The following LPIN1 variants were observed in gnomAD, a reference collection of about 807,000 sequenced individuals.
The protein encoded by LPIN1 is lipin 1, also known as phosphatidate phosphatase LPIN1.
Under a neutral mutation model 107.5 loss-of-function variants are expected in LPIN1, and 71 were observed. The observed-to-expected ratio is 0.66, with a 90% CI of 0.55 to 0.80. LPIN1 has a LOEUF of 0.80. LPIN1 is among the 30% of genes least tolerant of loss of function. The pLI is 0.00. For missense variants in LPIN1, 1,043 were observed against 1,160.6 expected, an observed-to-expected ratio of 0.90 and a Z score of 1.47; for synonymous variants, 445 against 452.6, an observed-to-expected ratio of 0.98 and a Z score of 0.21.
intron 20 of LPIN1, among the ~76,000 whole-genome samples, chr2:11,822,600 C>T (rs191405357): frequency 1.8e-4 from 28 of 152,216 alleles, no homozygotes; most frequent in Admixed American, 1.1e-3. Flanking sequence ...AGATCTCATG[C>T]GACTTTATCA....
intron 1 of LPIN1, among the ~76,000 whole-genome samples, chr2:11,752,290 GAT>G (rs1474838288): frequency 6.6e-6 from 1 of 152,052 alleles, no homozygotes; most frequent in African/African-American, 2.4e-5. Flanking sequence ...GAAATGCTTT[GAT>G]TTTGGACCAT....
chr2:11,685,650 G>A (rs1272185349), intron 1 of LPIN1, among the ~76,000 whole-genome samples: 2 of 152,156 alleles, frequency 1.3e-5, no homozygotes, highest in African/African-American at 4.8e-5. Context: ...TTTTAGAGAC[G>A]GGTTACCGAG....
chr2:11,821,164 T>C (rs142276231), intron 20 of LPIN1, among the ~76,000 whole-genome samples: 1 of 152,190 alleles, frequency 6.6e-6, no homozygotes, highest in Non-Finnish European at 1.5e-5. Flanking sequence ...CTTGTCTTCC[T>C]GCCTTGTCCA....
In LPIN1 at chr2:11,773,312, C is replaced by T. The variant is rs2358042; in HGVS notation, c.597-308C>T. 0.26 allele frequency among the ~76,000 whole-genome samples: 39,918 copies of T among 152,118 alleles called. 6,112 individuals carry two copies. The highest frequency in any genetic ancestry group is 0.34 in the Middle Eastern group (100 of 292). On this transcript the variant is annotated intron_variant, in intron 4 of 20. Coordinates refer to ENST00000674199, the MANE Select transcript of LPIN1 (RefSeq NM_001349206.2). The stretch of plus-strand genomic sequence containing the variant: ...ACCTCCCAGGCTTTTGGAACATGAC[C>T]GTGTAGGGTAGCAGGAGGTGGCACG...
At chr2:11,788,992 G>A (rs1034156380) in intron 12 of LPIN1, among the ~76,000 whole-genome samples, 1 of 152,202 alleles carries the variant, frequency 6.6e-6, no homozygotes, top group Non-Finnish European at 1.5e-5. Flanking sequence ...TAGGAGGGCA[G>A]CCACGCCACC....
chr2:11,730,396 T>A (rs1665074501), intron 1 of LPIN1, among the ~76,000 whole-genome samples: 1 of 152,186 alleles, frequency 6.6e-6, no homozygotes, highest in African/African-American at 2.4e-5. Flanking sequence ...GCACACCTCA[T>A]CTCATCTGTT....
chr2:11,703,399 CT>C (rs1662979721), intron 1 of LPIN1, among the ~76,000 whole-genome samples: 1 of 152,140 alleles, frequency 6.6e-6, no homozygotes, highest in Non-Finnish European at 1.5e-5. Context: ...CGCAACTGCT[CT>C]GAGAGCCCTG....
At chr2:11,721,266 G>A (rs1458609722), upstream of LPIN1, among the ~76,000 whole-genome samples, 2 of 30,632 alleles carry the variant, frequency 6.5e-5, no homozygotes, top group Non-Finnish European at 2.1e-4. Context: ...CTGCATGCGT[G>A]TGTGTGTGTG....
chr2:11,784,677 C>T, intron 9 of LPIN1: 1 of 637,218 alleles, frequency 1.6e-6, no homozygotes, highest in Non-Finnish European at 2.8e-6. Flanking sequence ...CAGGGAGATG[C>T]AGCCAGCTGA....
chr2:11,725,985 C>T (rs1448569987), intron 1 of LPIN1, among the ~76,000 whole-genome samples: 2 of 152,200 alleles, frequency 1.3e-5, no homozygotes, highest in African/African-American at 4.8e-5. Context: ...TGTGGCCCCA[C>T]CTTGAGCCTG....
intron 1 of LPIN1, among the ~76,000 whole-genome samples, chr2:11,749,940 G>A (rs906248189): frequency 1.3e-5 from 2 of 152,266 alleles, no homozygotes; most frequent in African/African-American, 4.8e-5. Flanking sequence ...TAGGCTGTTA[G>A]AACAGGCACT....
intron 1 of LPIN1, among the ~76,000 whole-genome samples, chr2:11,694,210 A>C (rs774919324): frequency 6.6e-6 from 1 of 152,074 alleles, no homozygotes; most frequent in African/African-American, 2.4e-5. Flanking sequence ...GAACAGAATG[A>C]TAGAACCCTT....
chr2:11,815,674 G>T (rs943659364), intron 18 of LPIN1, among the ~76,000 whole-genome samples: 1 of 151,986 alleles, frequency 6.6e-6, no homozygotes, highest in African/African-American at 2.4e-5. Context: ...TCTCCTTAGG[G>T]ATCCTTAAGT....
At chr2:11,788,313 A>G in intron 11 of LPIN1, 74 bp from the exon 12 acceptor site, 1 of 1,163,114 alleles carries the variant, frequency 8.6e-7, no homozygotes, top group Non-Finnish European at 1.3e-6. Context: ...TTCCTTGACT[A>G]CTTTATATGA....
chr2:11,731,600 T>C (rs928056002), intron 1 of LPIN1, among the ~76,000 whole-genome samples: 3 of 152,234 alleles, frequency 2.0e-5, no homozygotes, highest in Non-Finnish European at 4.4e-5. Context: ...AGGAATGAGA[T>C]TGTTGGGTCA....
At chr2:11,795,538 T>G in intron 14 of LPIN1, 51 bp downstream of exon 14, 1 of 1,500,968 alleles carries the variant, frequency 6.7e-7, no homozygotes, top group Non-Finnish European at 9.3e-7. Flanking sequence ...CGCATCCAAG[T>G]TCATGGCGTG....
chr2:11,805,604 A>G, intron 17 of LPIN1: 2 of 302,356 alleles, frequency 6.6e-6, no homozygotes, highest in Non-Finnish European at 1.3e-5. Context: ...CATCATGTCT[A>G]CCTGGTCTGT....
chr2:11,797,224 A>G (rs1339147957), intron 14 of LPIN1, among the ~76,000 whole-genome samples: 2 of 152,250 alleles, frequency 1.3e-5, no homozygotes, highest in African/African-American at 4.8e-5. Flanking sequence ...ACCTTGTCCA[A>G]CAGCCTTCAG....
Position 11,771,638 on chromosome 2 carries a change from G to C in LPIN1, c.555G>C (p.Glu185Asp). The C allele has an allele frequency of 6.3e-7, 1 of 1,599,750 alleles. No homozygotes were observed. Among genetic ancestry groups the C allele is most frequent in the Non-Finnish European group, 8.5e-7 (1 of 1,173,326 alleles). ...TSEDEDMFPI[E>D]MSSDEAMELL... ...AGGATGAGGACATGTTCCCCATCGA[G>C]ATGAGCTCGGATGAGGCCATGGAGC... Residue 185 changes from glutamate (E) to aspartate (D), a missense_variant, in exon 4 of 21, where the codon GAG becomes GAC. Transcript: ENST00000674199. This position sits in a 1 kb window ranked among gnomAD's most constrained non-coding sequence, Gnocchi z 4.8.
Sources: gnomAD v4.1 joint callset for allele counts (sites outside exome capture counted in the v4.1 genomes callset) on GRCh38, gnomAD v4.1.1 for gene constraint, Gnocchi (gnomAD v3.1) non-coding constraint, MANE v1.5 for transcripts, NCBI Gene and HGNC (gene_info 2026-07-23, HGNC 2026-07-21) for gene names.